Variants in GRM7 observed in about 807,000 individuals in gnomAD.
GRM7 encodes the protein metabotropic glutamate receptor 7.
In GRM7, 35 loss-of-function variants were observed where a neutral mutation model predicts 84.5. The observed-to-expected ratio is 0.41, with a 90% CI of 0.32 to 0.55. GRM7 has a LOEUF of 0.55. GRM7 is among the 20% of genes least tolerant of loss of function. The pLI is 0.19. For synonymous variants in GRM7, 487 were observed against 455.1 expected (o/e 1.07, Z -0.89); for missense variants, 1,003 against 1,194.6 (o/e 0.84, Z 2.36).
Position 7,507,947 on chromosome 3 carries a change from G to T in GRM7, c.1515+46225G>T, listed in dbSNP as rs1477175272. ...ACTGCACCTTGAGTTTTTTCTTTGGGCAATCACTCCTCTTCCTCTATGCTT... is the reference window on the plus strand; with the variant it reads ...ACTGCACCTTGAGTTTTTTCTTTGGTCAATCACTCCTCTTCCTCTATGCTT... On this transcript the variant is annotated intron_variant, in intron 7 of 9. Coordinates refer to ENST00000357716, the MANE Select transcript of GRM7 (RefSeq NM_000844.4). Among the ~76,000 whole-genome samples, 5 of 152,100 alleles carry T rather than the reference G, an allele frequency of 3.3e-5. No individual in the cohort carries two copies. In the East Asian group the frequency reaches 9.7e-4, roughly 29 times the overall value.
Position 7,578,577 on chromosome 3 carries a change from G to A in GRM7, c.1671G>A (p.Glu557=), listed in dbSNP as rs1695075349. 2 of 1,614,062 alleles carry A rather than the reference G, an allele frequency of 1.2e-6. No individual in the cohort carries two copies. The highest frequency in any genetic ancestry group is 4.5e-5 in the East Asian group (2 of 44,870). ...ATGGTTACCAGTACCAGTTTGATGAGATGACATGCCAGCATTGCCCCTATG... is the reference window on the plus strand; with the variant it reads ...ATGGTTACCAGTACCAGTTTGATGAAATGACATGCCAGCATTGCCCCTATG... ...PCDGYQYQFD[E]MTCQHCPYDQ... The change falls in exon 8 of 10, where the codon GAG becomes GAA. Residue 557 remains glutamate, a synonymous_variant. Transcript: ENST00000357716.
intron 2 of GRM7, among the ~76,000 whole-genome samples, chr3:7,254,641 G>T (rs1419390330): frequency 2.0e-5 from 3 of 152,162 alleles, no homozygotes; most frequent in Non-Finnish European, 4.4e-5. Context: ...TACTGGTAGT[G>T]GTAGTGGTCT....
At chr3:7,173,354 G>T (rs1695046002) in intron 2 of GRM7, among the ~76,000 whole-genome samples, 1 of 152,150 alleles carries the variant, frequency 6.6e-6, no homozygotes, top group Non-Finnish European at 1.5e-5. Context: ...AGGGACATCA[G>T]AAAAAACTTA....
At chr3:7,138,036 A>T (rs62237662) in intron 1 of GRM7, among the ~76,000 whole-genome samples, 152,163 of 152,166 alleles carry the variant, frequency 1, 76,080 homozygotes, top group Non-Finnish European at 1. Flanking sequence ...ATGTAGTGGT[A>T]GAAGTAAAAA....
intron 4 of GRM7, among the ~76,000 whole-genome samples, chr3:7,332,783 G>C (rs954218405): frequency 2.0e-5 from 3 of 152,170 alleles, no homozygotes; most frequent in Admixed American, 1.3e-4. Flanking sequence ...CTGTGAGACA[G>C]TTGAAAAACT....
intron 2 of GRM7, among the ~76,000 whole-genome samples, chr3:7,152,382 G>T (rs368798952): frequency 1.3e-5 from 2 of 152,130 alleles, no homozygotes; most frequent in African/African-American, 4.8e-5. Context: ...AGTCATTTCA[G>T]TATCTGTTTC....
At chr3:7,179,696 A>T (rs1695273929) in intron 2 of GRM7, among the ~76,000 whole-genome samples, 2 of 152,310 alleles carry the variant, frequency 1.3e-5, no homozygotes, top group South Asian at 4.1e-4. Flanking sequence ...CAGCTTGTTG[A>T]TGTGGGAGTT....
chr3:7,185,779 G>T lies in GRM7; in HGVS notation c.736+39111G>T, dbSNP rs984902752. On this transcript the variant is annotated intron_variant, in intron 2 of 9. Transcript: ENST00000357716. ...TCAACAAACTGTTGAGGAGATTCTG[G>T]TACAGGTCAACATGGGAGAACTAAT... is the stretch of plus-strand genomic sequence containing the variant. Among the ~76,000 whole-genome samples the T allele has an allele frequency of 3.9e-5, 6 of 152,148 alleles. 1 individual carries two copies. Among genetic ancestry groups the T allele is most frequent in the Non-Finnish European group, 8.8e-5 (6 of 68,032 alleles).
chr3:7,252,777 C>T (rs1008689975), intron 2 of GRM7, among the ~76,000 whole-genome samples: 2 of 147,644 alleles, frequency 1.4e-5, no homozygotes, highest in Non-Finnish European at 3.0e-5. Context: ...CAACCTCTGC[C>T]TCCCGGGTTC....
At chr3:7,139,479 A>C (rs1437225170) in intron 1 of GRM7, among the ~76,000 whole-genome samples, 1 of 151,970 alleles carries the variant, frequency 6.6e-6, no homozygotes, top group Admixed American at 6.6e-5. Flanking sequence ...AAAAATGCCT[A>C]GGGGAAATTT....
At chr3:7,488,027 G>A (rs1246903555) in intron 7 of GRM7, among the ~76,000 whole-genome samples, 2 of 152,218 alleles carry the variant, frequency 1.3e-5, no homozygotes, top group South Asian at 2.1e-4. Flanking sequence ...CACATGGAGT[G>A]AAAGATTATT....
At chr3:7,629,060 A>C (rs979583927) in intron 8 of GRM7, among the ~76,000 whole-genome samples, 2 of 152,206 alleles carry the variant, frequency 1.3e-5, no homozygotes, top group African/African-American at 4.8e-5. Flanking sequence ...CCTAACAGGT[A>C]ATATTATTTA....
chr3:7,053,381 A>G (rs1697082856), intron 1 of GRM7, among the ~76,000 whole-genome samples: 2 of 151,576 alleles, frequency 1.3e-5, no homozygotes, highest in Non-Finnish European at 3.0e-5. Flanking sequence ...GAAAAAGAGC[A>G]TTTTAAAAAA....
At chr3:7,052,662 CTTCTT>C (rs140477478) in intron 1 of GRM7, among the ~76,000 whole-genome samples, 26 of 142,196 alleles carry the variant, frequency 1.8e-4, no homozygotes, top group African/African-American at 7.0e-4. Flanking sequence ...TTGTGTCTGA[CTTCTT>C]TTATTCAGTT....
intron 9 of GRM7, among the ~76,000 whole-genome samples, chr3:7,717,433 C>T (rs1028414901): frequency 6.6e-6 from 1 of 152,114 alleles, no homozygotes; most frequent in African/African-American, 2.4e-5. Context: ...TATATTTTTT[C>T]TCCACCAGAA....
chr3:7,197,797 G>T (rs1163238520), intron 2 of GRM7, among the ~76,000 whole-genome samples: 1 of 151,608 alleles, frequency 6.6e-6, no homozygotes, highest in African/African-American at 2.4e-5. Flanking sequence ...TTACTGTCAT[G>T]CTTAACAATT....
intron 4 of GRM7, among the ~76,000 whole-genome samples, chr3:7,357,437 T>C (rs1693459847): frequency 6.6e-6 from 1 of 152,042 alleles, no homozygotes; most frequent in African/African-American, 2.4e-5. Flanking sequence ...ATTTCCCCTC[T>C]TACCCCCTTC....
chr3:7,176,211 C>T (rs1382541068), intron 2 of GRM7, among the ~76,000 whole-genome samples: 1 of 115,322 alleles, frequency 8.7e-6, no homozygotes, highest in Admixed American at 1.2e-4. Flanking sequence ...CATAAGGAGA[C>T]CTCATCTCTA....
In GRM7 at chr3:7,736,990, T is replaced by G. The variant is rs1317564263; in HGVS notation, c.2699-3367T>G. Among the ~76,000 whole-genome samples the G allele has an allele frequency of 6.6e-5, 10 of 152,286 alleles. No individual in the cohort carries two copies. In the East Asian group the frequency reaches 1.9e-3, roughly 29 times the overall value. ...AAGAGTACTGTTTAATATCACTTAT[T>G]CAGTGTTTCTCAACATAATATCTAT... On this transcript the variant is annotated intron_variant, in intron 9 of 9. Transcript: ENST00000357716.
Sources: allele counts gnomAD v4.1 joint callset (sites outside exome capture counted in the v4.1 genomes callset), GRCh38; gene constraint gnomAD v4.1.1; transcripts MANE v1.5; gene names NCBI Gene and HGNC (gene_info 2026-07-23, HGNC 2026-07-21).